Variants in GRIK2 observed in about 807,000 individuals in gnomAD.
GRIK2 encodes glutamate ionotropic receptor kainate type subunit 2.
A neutral mutation model predicts 100.3 loss-of-function variants in GRIK2; 32 were observed. The ratio of observed to expected loss-of-function variants is 0.32; its 90% confidence interval spans 0.24 to 0.43. GRIK2 has a LOEUF of 0.43. Among genes scored for constraint, GRIK2 ranks in the 20% least tolerant of loss-of-function variants. The pLI is 1.00. For synonymous variants in GRIK2, 417 were observed against 389.4 expected (o/e 1.07, Z -0.83); for missense variants, 843 against 1,114.9 (o/e 0.76, Z 3.47).
chr6:101,869,584 A>G (rs1053747740), intron 11 of GRIK2, among the ~76,000 whole-genome samples: 2 of 151,850 alleles, frequency 1.3e-5, no homozygotes, highest in Non-Finnish European at 2.9e-5. Context: ...AACATTATCC[A>G]ATTTGGATCA....
At chr6:101,492,685 T>A (rs760830575) in intron 2 of GRIK2, among the ~76,000 whole-genome samples, 1 of 151,874 alleles carries the variant, frequency 6.6e-6, no homozygotes, top group African/African-American at 2.4e-5. Flanking sequence ...AGCCATTGAG[T>A]ACTATACTTT....
intron 8 of GRIK2, among the ~76,000 whole-genome samples, chr6:101,801,843 G>C (rs1780690194): frequency 6.6e-6 from 1 of 151,832 alleles, no homozygotes; most frequent in South Asian, 2.1e-4. Flanking sequence ...TTAGTGGAAA[G>C]CTAGGGGGAA....
intron 13 of GRIK2, among the ~76,000 whole-genome samples, chr6:101,925,920 T>C (rs1789858600): frequency 6.6e-6 from 1 of 151,952 alleles, no homozygotes; most frequent in South Asian, 2.1e-4. Context: ...TAACTACATG[T>C]CAAAAGAAAA....
At chr6:101,524,226 CCAT>C (rs1216128265) in intron 2 of GRIK2, among the ~76,000 whole-genome samples, 2 of 152,102 alleles carry the variant, frequency 1.3e-5, no homozygotes, top group African/African-American at 4.8e-5. Context: ...GATAGGGAAT[CCAT>C]CAACATAGAT....
intron 7 of GRIK2, among the ~76,000 whole-genome samples, chr6:101,714,173 C>T (rs890162850): frequency 4.0e-5 from 6 of 151,708 alleles, no homozygotes; most frequent in South Asian, 2.1e-4. Flanking sequence ...TGATCAAGCA[C>T]GTTAGCATTT....
At chr6:101,758,581 A>C (rs1432258746) in intron 7 of GRIK2, among the ~76,000 whole-genome samples, 1 of 152,208 alleles carries the variant, frequency 6.6e-6, no homozygotes, top group Non-Finnish European at 1.5e-5. Flanking sequence ...GAATGTGTCT[A>C]TGAGTGAAAG....
intron 2 of GRIK2, among the ~76,000 whole-genome samples, chr6:101,598,592 TAA>T (rs75603851): frequency 0.11 from 9,354 of 82,142 alleles, 165 homozygotes; most frequent in Admixed American, 0.2. Context: ...TCTTCCTTAA[TAA>T]AAAAAAAAAA....
At chr6:101,911,967 A>G (rs1313772093) in intron 12 of GRIK2, among the ~76,000 whole-genome samples, 4 of 151,202 alleles carry the variant, frequency 2.6e-5, no homozygotes, top group Non-Finnish European at 5.9e-5. Flanking sequence ...GATAATAAGT[A>G]AGGATTTATT....
intron 2 of GRIK2, among the ~76,000 whole-genome samples, chr6:101,507,837 A>C (rs2128276749): frequency 6.6e-6 from 1 of 152,328 alleles, no homozygotes; most frequent in African/African-American, 2.4e-5. Flanking sequence ...TGTTGGGGAG[A>C]AAGTAGGTAA....
At chr6:101,560,934 G>A (rs1027925827) in intron 2 of GRIK2, among the ~76,000 whole-genome samples, 1 of 152,082 alleles carries the variant, frequency 6.6e-6, no homozygotes, top group African/African-American at 2.4e-5. Flanking sequence ...AATGTAAAAG[G>A]CTAATGTCTA....
rs140203737 is a variant in GRIK2, at chr6:101,460,047, G to A, written c.115+60655G>A. ...GCTGGGATTATAGGCATGAGCCACC[G>A]TGCCCGGCCGCACATCTGTTGCTCT... On this transcript the variant is annotated intron_variant, in intron 2 of 16. Transcript: ENST00000369134. 5.0e-3 allele frequency among the ~76,000 whole-genome samples: 764 copies of A among 152,244 alleles called. 4 individuals carry two copies. Among genetic ancestry groups the A allele is most frequent in the African/African-American group, 0.017 (714 of 41,540 alleles).
At chr6:101,518,233 A>G (rs1954177022) in intron 2 of GRIK2, among the ~76,000 whole-genome samples, 1 of 152,160 alleles carries the variant, frequency 6.6e-6, no homozygotes, top group Non-Finnish European at 1.5e-5. Flanking sequence ...AGTTAGAGAG[A>G]AAAACAGTCA....
chr6:101,744,522 G>GTATATATA (rs1562351557), intron 7 of GRIK2: 4 of 50,340 alleles, frequency 7.9e-5, no homozygotes, highest in South Asian at 7.1e-4. Flanking sequence ...GTGCGTGCGC[G>GTATATATA]CATATATATA....
At chr6:101,550,012 C>T (rs1776430380) in intron 2 of GRIK2, among the ~76,000 whole-genome samples, 1 of 152,200 alleles carries the variant, frequency 6.6e-6, no homozygotes, top group African/African-American at 2.4e-5. Context: ...GTACAGTTTT[C>T]TCTAGGCTGG....
In GRIK2 at chr6:101,609,261, A is replaced by G. The variant is rs9498645; in HGVS notation, c.116-12688A>G. Among the ~76,000 whole-genome samples, 495 of 151,894 alleles carry G rather than the reference A, an allele frequency of 3.3e-3. 7 individuals are homozygous for G. Among genetic ancestry groups the G allele is most frequent in the African/African-American group, 0.012 (485 of 41,502 alleles). On this transcript the variant is annotated intron_variant, in intron 2 of 16. Coordinates refer to ENST00000369134, the MANE Select transcript of GRIK2 (RefSeq NM_021956.5). ...TTACATTTTCCCTGGACAATTTTCT[A>G]CAATATTTTCTTCCCACACCTGCTT...
chr6:102,005,550 TA>T, intron 14 of GRIK2, among the ~76,000 whole-genome samples: 1 of 152,056 alleles, frequency 6.6e-6, no homozygotes, highest in Non-Finnish European at 1.5e-5. Flanking sequence ...CCTTCCTATA[TA>T]AATCTTTCCA....
intron 2 of GRIK2, among the ~76,000 whole-genome samples, chr6:101,500,309 T>G (rs1164482423): frequency 6.6e-6 from 1 of 152,126 alleles, no homozygotes; most frequent in African/African-American, 2.4e-5. Flanking sequence ...TCTATAATCA[T>G]AATGATAAGT....
At position 101,590,763 on chromosome 6, in the gene GRIK2, G is replaced by A. The variant is rs114355452; in HGVS notation, c.116-31186G>A. On this transcript the variant is annotated intron_variant, in intron 2 of 16. Transcript: ENST00000369134. Reference sequence around the variant, plus strand: ...TTTGGGTTTTCTCACTTAACCCTAAGGTACAATATTCTCCCTAAATCTGCA... The same window carrying A: ...TTTGGGTTTTCTCACTTAACCCTAAAGTACAATATTCTCCCTAAATCTGCA... Among the ~76,000 whole-genome samples the A allele has an allele frequency of 4.8e-3, 729 of 152,050 alleles. 6 individuals carry two copies. The highest frequency in any genetic ancestry group is 0.017 in the African/African-American group (689 of 41,524).
intron 16 of GRIK2, chr6:102,065,778 C>G: frequency 1.4e-6 from 2 of 1,474,726 alleles, no homozygotes; most frequent in African/African-American, 1.4e-5. Flanking sequence ...ATTAATTCTT[C>G]TGTTAAATGT....
Sources: allele counts gnomAD v4.1 joint callset (sites outside exome capture counted in the v4.1 genomes callset), GRCh38; gene constraint gnomAD v4.1.1; transcripts MANE v1.5; gene names NCBI Gene and HGNC (gene_info 2026-07-23, HGNC 2026-07-21).